Variants in DNASE1 observed in about 807,000 individuals in gnomAD.
DNASE1 encodes the protein deoxyribonuclease 1, also known as deoxyribonuclease-1.
In DNASE1, 40 loss-of-function variants were observed where a neutral mutation model predicts 33.9. The observed-to-expected ratio is 1.18, with a 90% confidence interval of 0.92 to 1.54. The LOEUF (loss-of-function observed/expected upper bound fraction) is 1.54, where lower values mean the gene tolerates loss of function less well. DNASE1 is among the 40% of genes most tolerant of loss of function. The pLI is 0.00. For synonymous variants in DNASE1, 216 were observed against 160.0 expected, an observed-to-expected ratio of 1.35 and a Z score of -2.64; for missense variants, 518 against 372.6, an observed-to-expected ratio of 1.39 and a Z score of -3.21.
At chr16:3,627,214 C>A (rs947298551) in intron 1 of DNASE1, among the ~76,000 whole-genome samples, 1 of 151,414 alleles carries the variant, frequency 6.6e-6, no homozygotes, top group African/African-American at 2.4e-5. Context: ...GTCTACTTTG[C>A]TTGTTTGACA....
chr16:3,612,597 G>A (rs1346151650), intron 1 of DNASE1, among the ~76,000 whole-genome samples: 2 of 139,958 alleles, frequency 1.4e-5, no homozygotes, highest in Non-Finnish European at 3.1e-5. Flanking sequence ...GGGGCGGGGG[G>A]GGGAGTCTCA....
chr16:3,662,038 G>A (rs753559223), downstream of DNASE1: 6 of 1,613,200 alleles, frequency 3.7e-6, no homozygotes, highest in African/African-American at 8.0e-5. Flanking sequence ...CTCCTCCTGG[G>A]TCTTGGCCAG....
In DNASE1 at chr16:3,657,235, C is replaced by A. The variant is rs747813186; in HGVS notation, c.598C>A (p.Pro200Thr). Reference sequence around the variant, plus strand: ...CAATGCGGGCTGCAGCTATGTGAGACCCTCCCAGTGGTCATCCATCCGCCT... The same window carrying A: ...CAATGCGGGCTGCAGCTATGTGAGAACCTCCCAGTGGTCATCCATCCGCCT... ...DFNAGCSYVRPSQWSSIRLWT... is the reference protein window; with the variant it reads ...DFNAGCSYVRTSQWSSIRLWT... The change falls in exon 7 of 9, where the codon CCC becomes ACC. Residue 200 changes from proline to threonine, a missense_variant. Pro to Thr is a conservative substitution (Grantham distance 38, BLOSUM62 -1). Coordinates refer to ENST00000246949, the MANE Select transcript of DNASE1 (RefSeq NM_005223.4). 6.2e-7 allele frequency: 1 copy of A among 1,613,934 alleles called. No individual in the cohort carries two copies. Among genetic ancestry groups the A allele is most frequent in the African/African-American group, 1.3e-5 (1 of 74,922 alleles).
Position 3,654,894 on chromosome 16 carries a change from C to G in DNASE1, c.-152C>G, listed in dbSNP as rs186863250. On this transcript the variant is annotated 5_prime_UTR_variant, in exon 1 of 9. Coordinates refer to ENST00000246949, the MANE Select transcript of DNASE1 (RefSeq NM_005223.4). ...GTGCAGGATCCGGAGCCCAGCAGCA[C>G]TGCCAGGGCCTTGAAGTGCTTCTTC... is the stretch of plus-strand genomic sequence containing the variant. 2.3e-6 allele frequency: 1 copy of G among 436,596 alleles called. No individual in the cohort carries two copies. The highest frequency in any genetic ancestry group is 4.0e-6 in the Non-Finnish European group (1 of 249,692). The allele number at this position is 436,596 out of a possible 1,614,324, so 27.0% of individuals were successfully genotyped here. A position where few individuals can be genotyped will look rare whatever the true frequency, so the allele number is the denominator to read the frequency against.
In DNASE1 at chr16:3,623,993, C is replaced by T. The variant is rs117735981; in HGVS notation, c.-1359+11987C>T. On this transcript the variant is annotated intron_variant and NMD_transcript_variant, in intron 1 of 11. Coordinates refer to the DNASE1 transcript ENST00000570769. ...ATTACTATAACCTCTATATAGAAAA[C>T]AGTATGGAGGCCAGGTGCGGTGGCT... is the stretch of plus-strand genomic sequence containing the variant. 2.4e-3 allele frequency among the ~76,000 whole-genome samples: 360 copies of T among 152,028 alleles called. 1 individual carries two copies. The highest frequency in any genetic ancestry group is 4.3e-3 in the Non-Finnish European group (295 of 67,960).
chr16:3,647,416 G>T (rs549788541), intron 1 of DNASE1, among the ~76,000 whole-genome samples: 7 of 152,040 alleles, frequency 4.6e-5, no homozygotes, highest in African/African-American at 1.5e-4. Context: ...TGGGACTACA[G>T]ATGTGTGCCT....
upstream of DNASE1, among the ~76,000 whole-genome samples, chr16:3,640,368 T>C (rs2041997431): frequency 6.6e-6 from 1 of 152,218 alleles, no homozygotes; most frequent in African/African-American, 2.4e-5. Flanking sequence ...CCCTGAGCTC[T>C]GAACTCTGTC....
At chr16:3,626,498 T>C (rs773210858) in intron 1 of DNASE1, among the ~76,000 whole-genome samples, 32 of 152,238 alleles carry the variant, frequency 2.1e-4, no homozygotes, top group African/African-American at 7.5e-4. Context: ...GATCATACTT[T>C]ATATGATTTC....
chr16:3,664,264 G>C (rs367688163), exon 10 of DNASE1: 5 of 1,467,654 alleles, frequency 3.4e-6, no homozygotes, highest in African/African-American at 1.4e-5. Flanking sequence ...CCCACCCACC[G>C]CTCACCCACC....
At chr16:3,634,071 A>C (rs958284137) in intron 1 of DNASE1, among the ~76,000 whole-genome samples, 2 of 151,942 alleles carry the variant, frequency 1.3e-5, no homozygotes, top group Admixed American at 1.3e-4. Flanking sequence ...CGGCCTCCCA[A>C]AGTGCTGGGA....
intron 1 of DNASE1, among the ~76,000 whole-genome samples, chr16:3,627,518 C>A (rs796716779): frequency 1.4e-4 from 21 of 152,162 alleles, no homozygotes; most frequent in African/African-American, 4.8e-4. Context: ...CTCAAGTGAT[C>A]CTTCCACCTC....
Position 3,658,016 on chromosome 16 carries a change from G to C in DNASE1, c.*63G>C. On this transcript the variant is annotated 3_prime_UTR_variant, in exon 9 of 9. Coordinates refer to ENST00000246949, the MANE Select transcript of DNASE1 (RefSeq NM_005223.4). ...AGGACCCATCCTGCCACAGGACCCA[G>C]AAAAAAAGCCCAACACACACTCGGG... 1.2e-6 allele frequency: 2 copies of C among 1,611,326 alleles called. No homozygotes were observed. The highest frequency in any genetic ancestry group is 1.7e-6 in the Non-Finnish European group (2 of 1,178,602).
At position 3,663,377 on chromosome 16, in the gene DNASE1, C is replaced by T. The variant is rs779238223; in HGVS notation, c.*5424C>T. On this transcript the variant is annotated 3_prime_UTR_variant, in exon 10 of 10. Transcript: ENST00000407479. ...CTCGCTGCGGGGCAGGAGAGGCGTG[C>T]GGGGAGTGGAAACCAGCCCCACGCC... The T allele has an allele frequency of 5.6e-6, 9 of 1,610,140 alleles. No homozygotes were observed. In the East Asian group the frequency reaches 6.7e-5, roughly 12 times the overall value.
chr16:3,629,484 G>T (rs879705796), intron 1 of DNASE1, among the ~76,000 whole-genome samples: 7 of 152,252 alleles, frequency 4.6e-5, no homozygotes, highest in Non-Finnish European at 7.4e-5. Flanking sequence ...AATTCAGTTT[G>T]CTAGTATTTG....
chr16:3,648,096 A>C (rs1042333764), intron 1 of DNASE1, among the ~76,000 whole-genome samples: 3 of 152,168 alleles, frequency 2.0e-5, no homozygotes, highest in African/African-American at 7.2e-5. Context: ...CAAACTTGGG[A>C]GGCCGGAGGT....
At chr16:3,619,722 G>C (rs1489337288) in intron 1 of DNASE1, among the ~76,000 whole-genome samples, 2 of 151,328 alleles carry the variant, frequency 1.3e-5, no homozygotes, top group Non-Finnish European at 2.9e-5. Flanking sequence ...TGTTGCCCAG[G>C]ATGATCTCAA....
At chr16:3,654,673 C>T (rs1233320794), upstream of DNASE1, 1 of 399,316 alleles carries the variant, frequency 2.5e-6, no homozygotes, top group Non-Finnish European at 4.4e-6. Flanking sequence ...AAACTAAGTG[C>T]AAACGTGATT....
chr16:3,662,223 A>T, downstream of DNASE1: 1 of 1,488,000 alleles, frequency 6.7e-7, no homozygotes, highest in Non-Finnish European at 9.1e-7. Flanking sequence ...CACCCAGACC[A>T]CGAGGTAGCA....
intron 1 of DNASE1, among the ~76,000 whole-genome samples, chr16:3,637,703 C>T (rs904427077): frequency 1.3e-5 from 2 of 152,124 alleles, no homozygotes; most frequent in Non-Finnish European, 2.9e-5. Context: ...GCTGCTTTCC[C>T]CCTCCCCCGC....
Sources: gnomAD v4.1 joint callset for allele counts (sites outside exome capture counted in the v4.1 genomes callset) on GRCh38, gnomAD v4.1.1 for gene constraint, MANE v1.5 for transcripts, NCBI Gene and HGNC (gene_info 2026-07-23, HGNC 2026-07-21) for gene names.